UMAD1: variants seen among roughly 807,000 people sequenced by gnomAD.
UMAD1 encodes UBAP1-MVB12-associated (UMA)-domain containing protein 1.
In UMAD1, 8 loss-of-function variants were observed where a neutral mutation model predicts 6.1. The ratio of observed to expected loss-of-function variants is 1.30; its 90% CI spans 0.76 to 2.35. The LOEUF is 2.35. Ranked by LOEUF, UMAD1 falls within the 30% of genes most tolerant of loss-of-function variation. UMAD1 has a pLI of 0.00. For missense variants in UMAD1, 130 were observed against 78.4 expected (o/e 1.66, Z -2.49); for synonymous variants, 56 against 31.4 (o/e 1.78, Z -2.61).
At chr7:7,778,639 T>C (rs2115250096) in intron 2 of UMAD1, among the ~76,000 whole-genome samples, 1 of 152,044 alleles carries the variant, frequency 6.6e-6, no homozygotes, top group East Asian at 1.9e-4. Context: ...TAGTTTCAAA[T>C]TCATGGCCTC....
At chr7:7,824,909 G>C (rs1331007265) in intron 3 of UMAD1, among the ~76,000 whole-genome samples, 1 of 152,166 alleles carries the variant, frequency 6.6e-6, no homozygotes, top group Non-Finnish European at 1.5e-5. Flanking sequence ...CACCAGGATA[G>C]CTAGTCCACC....
At chr7:7,774,274 C>A (rs1295736912) in intron 2 of UMAD1, among the ~76,000 whole-genome samples, 3 of 152,158 alleles carry the variant, frequency 2.0e-5, no homozygotes, top group African/African-American at 7.2e-5. Context: ...AATTAAGAAA[C>A]TGAGGCAGTT....
rs756458461 is a variant in UMAD1 at position 7,847,056 on chromosome 7, TA to T, written c.157-30205del. Among the ~76,000 whole-genome samples, 304 of 33,492 alleles carry T rather than the reference TA, an allele frequency of 9.1e-3. 21 individuals carry two copies. Among genetic ancestry groups the T allele is most frequent in the African/African-American group, 0.037 (187 of 5,090 alleles). 22.0% of individuals were successfully genotyped at this position (33,492 alleles called of 152,430 possible). On this transcript the variant is annotated intron_variant, in intron 3 of 3. Transcript: ENST00000682710. ...ATGTACCCTAAAACTTAGAGTATAA[TA>T]AAAAAAAAAAAAAAAAAAAGACAGC... is the stretch of plus-strand genomic sequence containing the variant.
intron 3 of UMAD1, among the ~76,000 whole-genome samples, chr7:7,832,847 A>C (rs1008260723): frequency 1.3e-5 from 2 of 152,154 alleles, no homozygotes; most frequent in Admixed American, 1.3e-4. Flanking sequence ...TGGTGATCAC[A>C]TTGATTGGAA....
intron 2 of UMAD1, among the ~76,000 whole-genome samples, chr7:7,731,481 A>ACCCCC (rs1583782266): frequency 2.6e-5 from 3 of 117,448 alleles, no homozygotes; most frequent in African/African-American, 6.9e-5. Context: ...GCAAACAAAC[A>ACCCCC]ACCCCCCCCC....
At chr7:7,807,715 G>A (rs940091329) in intron 3 of UMAD1, among the ~76,000 whole-genome samples, 8 of 152,058 alleles carry the variant, frequency 5.3e-5, no homozygotes, top group African/African-American at 9.7e-5. Context: ...GGAAAACAGC[G>A]TATTTGTATT....
intron 3 of UMAD1, among the ~76,000 whole-genome samples, chr7:7,856,995 G>T (rs1253476341): frequency 6.6e-6 from 1 of 152,142 alleles, no homozygotes; most frequent in African/African-American, 2.4e-5. Flanking sequence ...TATAGTTGAT[G>T]ATCCCAGGTA....
At chr7:7,733,048 T>G (rs1306746145) in intron 2 of UMAD1, among the ~76,000 whole-genome samples, 1 of 152,080 alleles carries the variant, frequency 6.6e-6, no homozygotes, top group African/African-American at 2.4e-5. Context: ...AGTAATGGAG[T>G]TATTTATTAG....
intron 2 of UMAD1, among the ~76,000 whole-genome samples, chr7:7,733,135 A>G (rs1230940885): frequency 6.6e-6 from 1 of 152,170 alleles, no homozygotes; most frequent in African/African-American, 2.4e-5. Context: ...TGTTTTTTCA[A>G]ACAGCAGCAA....
At chr7:7,673,539 T>C in intron 2 of UMAD1, 86 bp downstream of exon 2, 1 of 650,352 alleles carries the variant, frequency 1.5e-6, no homozygotes, top group East Asian at 2.7e-5. Flanking sequence ...GATTTTAAAT[T>C]ATTTCTTATA....
chr7:7,790,294 A>T (rs1782544358), intron 2 of UMAD1, among the ~76,000 whole-genome samples: 1 of 152,172 alleles, frequency 6.6e-6, no homozygotes, highest in Non-Finnish European at 1.5e-5. Context: ...TGGTAACTAG[A>T]CATCCCAGGA....
chr7:7,671,242 T>C (rs899414515), intron 1 of UMAD1, among the ~76,000 whole-genome samples: 5 of 152,378 alleles, frequency 3.3e-5, no homozygotes, highest in African/African-American at 1.2e-4. Context: ...TTTTGCTAGA[T>C]GTAATTCTTA....
intron 2 of UMAD1, among the ~76,000 whole-genome samples, chr7:7,721,721 C>T (rs1781053059): frequency 6.6e-6 from 1 of 152,140 alleles, no homozygotes; most frequent in Admixed American, 6.6e-5. Context: ...GAGGATTTTG[C>T]TACCTGCCCT....
At chr7:7,812,773 A>C (rs1174243153) in intron 3 of UMAD1, among the ~76,000 whole-genome samples, 6 of 150,548 alleles carry the variant, frequency 4.0e-5, no homozygotes, top group Admixed American at 2.6e-4. Context: ...TGTTGGGAGA[A>C]CAACTGTTCC....
At chr7:7,856,971 T>G (rs2115329131) in intron 3 of UMAD1, among the ~76,000 whole-genome samples, 1 of 152,360 alleles carries the variant, frequency 6.6e-6, no homozygotes, top group Admixed American at 6.5e-5. Flanking sequence ...CAACTTGTGA[T>G]TTGCTTTACT....
chr7:7,797,065 G>A (rs1044484988), intron 2 of UMAD1, among the ~76,000 whole-genome samples: 2 of 152,174 alleles, frequency 1.3e-5, no homozygotes, highest in African/African-American at 4.8e-5. Context: ...TCAGGGTTCT[G>A]CAGGCTCTAC....
chr7:7,649,345 T>C (rs903741843), intron 1 of UMAD1, among the ~76,000 whole-genome samples: 1 of 152,020 alleles, frequency 6.6e-6, no homozygotes. Context: ...TAATGCTTTT[T>C]TTCAGGAAAC....
At chr7:7,841,313 TC>T (rs1297917489) in intron 3 of UMAD1, among the ~76,000 whole-genome samples, 1 of 106,064 alleles carries the variant, frequency 9.4e-6, no homozygotes, top group Non-Finnish European at 2.1e-5. Flanking sequence ...TAACAAGTGA[TC>T]TTTTTTTTTT....
chr7:7,767,446 A>G (rs1289567145), intron 2 of UMAD1, among the ~76,000 whole-genome samples: 1 of 152,196 alleles, frequency 6.6e-6, no homozygotes, highest in African/African-American at 2.4e-5. Context: ...TCTTAAACAA[A>G]AGTAGGATTA....
Sources: gnomAD v4.1 joint callset for allele counts (sites outside exome capture counted in the v4.1 genomes callset) on GRCh38, gnomAD v4.1.1 for gene constraint, MANE v1.5 for transcripts, NCBI Gene and HGNC (gene_info 2026-07-23, HGNC 2026-07-21) for gene names.